The following UNC5D variants were observed in gnomAD, a reference collection of about 807,000 sequenced individuals.
The protein encoded by UNC5D is netrin receptor UNC5D.
Under a neutral mutation model 105.4 loss-of-function variants are expected in UNC5D, and 39 were observed. The observed-to-expected ratio is 0.37, with a 90% confidence interval of 0.29 to 0.48. The LOEUF is 0.48. UNC5D is among the 20% of genes least tolerant of loss of function. The probability of loss-of-function intolerance (pLI) is 0.98; values close to 1 mark genes in which losing one functional copy is unlikely to be tolerated. For missense variants in UNC5D, 991 were observed against 1,202.4 expected, an observed-to-expected ratio of 0.82 and a Z score of 2.60; for synonymous variants, 452 against 450.4, an observed-to-expected ratio of 1.00 and a Z score of -0.04.
chr8:35,411,163 T>A (rs1327010074), intron 1 of UNC5D, among the ~76,000 whole-genome samples: 1 of 152,062 alleles, frequency 6.6e-6, no homozygotes, highest in Non-Finnish European at 1.5e-5. Context: ...AGTGCTATTC[T>A]AGCGACGACC....
At chr8:35,432,048 A>G (rs1806679092) in intron 1 of UNC5D, among the ~76,000 whole-genome samples, 1 of 152,096 alleles carries the variant, frequency 6.6e-6, no homozygotes, top group African/African-American at 2.4e-5. Context: ...GTCACAAAGG[A>G]ATGGTTAAGA....
chr8:35,332,862 C>A (rs1430751343), intron 1 of UNC5D, among the ~76,000 whole-genome samples: 1 of 152,150 alleles, frequency 6.6e-6, no homozygotes, highest in African/African-American at 2.4e-5. Context: ...GTCTTGATCT[C>A]CACTCCAGCT....
chr8:35,670,148 C>T (rs1272757070), intron 4 of UNC5D, among the ~76,000 whole-genome samples: 1 of 152,042 alleles, frequency 6.6e-6, no homozygotes, highest in African/African-American at 2.4e-5. Context: ...GGTGAAAGAA[C>T]AAATTCAAGA....
intron 1 of UNC5D, among the ~76,000 whole-genome samples, chr8:35,415,505 C>T (rs142575251): frequency 1.3e-5 from 2 of 152,030 alleles, no homozygotes; most frequent in East Asian, 3.9e-4. Context: ...TTGGTTTTAC[C>T]CTATCTCTTA....
Position 35,438,123 on chromosome 8 carries a change from CA to C in UNC5D, c.104-111161del, listed in dbSNP as rs797015193. 6.6e-5 allele frequency among the ~76,000 whole-genome samples: 10 copies of C among 151,114 alleles called. No individual in the cohort carries two copies. In the East Asian group the frequency reaches 1.8e-3, roughly 27 times the overall value. On this transcript the variant is annotated intron_variant, in intron 1 of 16. Coordinates refer to ENST00000404895, the MANE Select transcript of UNC5D (RefSeq NM_080872.4). ...AACAAACAAACAAACAAACAAAAAA[CA>C]AAAAAAACCCACACAGATTAGTTGA...
At chr8:35,361,567 A>G (rs143961401) in intron 1 of UNC5D, among the ~76,000 whole-genome samples, 15 of 152,250 alleles carry the variant, frequency 9.9e-5, no homozygotes, top group African/African-American at 1.7e-4. Flanking sequence ...TCGGTGGGGT[A>G]TTGACTGTCA....
intron 1 of UNC5D, among the ~76,000 whole-genome samples, chr8:35,379,453 G>A (rs954148719): frequency 5.9e-5 from 9 of 152,102 alleles, no homozygotes; most frequent in Admixed American, 5.9e-4. Context: ...CTGAGTGACC[G>A]AGCCACATGA....
chr8:35,572,413 C>T (rs1010546785), intron 3 of UNC5D, among the ~76,000 whole-genome samples: 1 of 151,982 alleles, frequency 6.6e-6, no homozygotes, highest in South Asian at 2.1e-4. Context: ...ACATGATCAC[C>T]TTAGCCAATG....
At chr8:35,471,121 A>G (rs977183891) in intron 1 of UNC5D, among the ~76,000 whole-genome samples, 1 of 152,018 alleles carries the variant, frequency 6.6e-6, no homozygotes, top group African/African-American at 2.4e-5. Context: ...CCTCCCCTCA[A>G]TACCGAGCTG....
At chr8:35,253,731 C>T (rs572459284) in intron 1 of UNC5D, among the ~76,000 whole-genome samples, 32 of 151,964 alleles carry the variant, frequency 2.1e-4, no homozygotes, top group African/African-American at 7.2e-4. Flanking sequence ...CCTTGTGATC[C>T]GCCCGCCTCG....
At chr8:35,599,220 A>G (rs1389761262) in intron 4 of UNC5D, among the ~76,000 whole-genome samples, 2 of 147,644 alleles carry the variant, frequency 1.4e-5, no homozygotes, top group South Asian at 2.2e-4. Context: ...TGTTGCGGAG[A>G]TGGGGAGAGG....
At chr8:35,355,498 A>G (rs1801503227) in intron 1 of UNC5D, among the ~76,000 whole-genome samples, 1 of 152,100 alleles carries the variant, frequency 6.6e-6, no homozygotes, top group Non-Finnish European at 1.5e-5. Flanking sequence ...TTTCTTCCAT[A>G]GAAGCCTTTT....
intron 1 of UNC5D, among the ~76,000 whole-genome samples, chr8:35,395,574 G>C (rs1804042616): frequency 6.6e-6 from 1 of 152,200 alleles, no homozygotes; most frequent in South Asian, 2.1e-4. Context: ...TAGTAGTAGA[G>C]AGTAAATCAT....
intron 8 of UNC5D, among the ~76,000 whole-genome samples, chr8:35,709,291 T>C (rs886768395): frequency 3.3e-5 from 5 of 152,206 alleles, no homozygotes; most frequent in Non-Finnish European, 7.3e-5. Flanking sequence ...TGCATAGTGC[T>C]GAATGGTATT....
intron 4 of UNC5D, among the ~76,000 whole-genome samples, chr8:35,657,164 C>A (rs927993337): frequency 1.4e-5 from 2 of 140,094 alleles, no homozygotes; most frequent in African/African-American, 5.3e-5. Context: ...AGAGTCCTGG[C>A]TAAAAGTTTG....
chr8:35,599,067 C>T (rs1389506304), intron 4 of UNC5D, among the ~76,000 whole-genome samples: 1 of 146,458 alleles, frequency 6.8e-6, no homozygotes, highest in African/African-American at 2.5e-5. Context: ...TGTTTGAACC[C>T]GGGAGGTAGA....
chr8:35,626,548 G>A (rs1401291131), intron 4 of UNC5D, among the ~76,000 whole-genome samples: 1 of 152,156 alleles, frequency 6.6e-6, no homozygotes, highest in Non-Finnish European at 1.5e-5. Flanking sequence ...TTATAGCAGG[G>A]CACACGTAGC....
intron 3 of UNC5D, among the ~76,000 whole-genome samples, chr8:35,584,958 G>A (rs963596404): frequency 5.6e-4 from 86 of 152,220 alleles, no homozygotes; most frequent in African/African-American, 2.0e-3. Context: ...AAACAAAAGA[G>A]GCTGAACACG....
At chr8:35,317,573 C>T (rs752862636) in intron 1 of UNC5D, among the ~76,000 whole-genome samples, 13 of 152,008 alleles carry the variant, frequency 8.6e-5, no homozygotes, top group Non-Finnish European at 1.6e-4. Flanking sequence ...GCAGAACGCC[C>T]ATCAATTTTA....
Sources: gnomAD v4.1 joint callset for allele counts (sites outside exome capture counted in the v4.1 genomes callset) on GRCh38, gnomAD v4.1.1 for gene constraint, MANE v1.5 for transcripts, NCBI Gene and HGNC (gene_info 2026-07-23, HGNC 2026-07-21) for gene names.